The following FOXK1 variants were observed in gnomAD, a reference collection of about 807,000 sequenced individuals.
The protein encoded by FOXK1 is forkhead box K1, also known as forkhead box protein K1.
FOXK1 carries 19 observed loss-of-function variants against 51.9 expected under a neutral mutation model. That is an observed-to-expected ratio of 0.37 (90% CI 0.26 to 0.54). The LOEUF (loss-of-function observed/expected upper bound fraction) is 0.54, where lower values mean the gene tolerates loss of function less well. FOXK1 is among the 20% of genes least tolerant of loss of function. The pLI is 0.87. For missense variants in FOXK1, 870 were observed against 1,032.7 expected (o/e 0.84, Z 2.16); for synonymous variants, 537 against 482.6 (o/e 1.11, Z -1.48).
In FOXK1 at chr7:4,730,678, G is replaced by T. The variant is rs917083435; in HGVS notation, c.561-10160G>T. Among the ~76,000 whole-genome samples, 1 of 152,176 alleles carries T rather than the reference G, an allele frequency of 6.6e-6. No individual in the cohort carries two copies. The highest frequency in any genetic ancestry group is 1.5e-5 in the Non-Finnish European group (1 of 68,028). Reference sequence around the variant, plus strand: ...CTGTGTCCCTTCACTGCCATGCACTGCTCTTAGCTGCTGGCGAAGACGTGG... The same window carrying T: ...CTGTGTCCCTTCACTGCCATGCACTTCTCTTAGCTGCTGGCGAAGACGTGG... On this transcript the variant is annotated intron_variant, in intron 1 of 8. Transcript: ENST00000328914. The surrounding 1 kb of genome is among the most constrained non-coding windows in gnomAD (Gnocchi z 4.7).
chr7:4,688,348 C>T (rs1395895207), intron 1 of FOXK1, among the ~76,000 whole-genome samples: 1 of 148,930 alleles, frequency 6.7e-6, no homozygotes, highest in African/African-American at 2.4e-5. Flanking sequence ...ATAATCAGTG[C>T]ATAGGTTTCT....
At chr7:4,740,022 C>G (rs1780611453) in intron 1 of FOXK1, among the ~76,000 whole-genome samples, 1 of 152,174 alleles carries the variant, frequency 6.6e-6, no homozygotes, top group South Asian at 2.1e-4. Flanking sequence ...CGGCTGGGCA[C>G]AATGGCTCTC....
chr7:4,700,818 A>G (rs1400222538), intron 1 of FOXK1, among the ~76,000 whole-genome samples: 1 of 152,170 alleles, frequency 6.6e-6, no homozygotes, highest in Non-Finnish European at 1.5e-5. Flanking sequence ...CCCTGTCTCA[A>G]AAAACAAACA....
At chr7:4,725,679 G>T (rs763022621) in intron 1 of FOXK1, among the ~76,000 whole-genome samples, 2 of 152,266 alleles carry the variant, frequency 1.3e-5, no homozygotes, top group Non-Finnish European at 1.5e-5. Flanking sequence ...CACCAAGGCT[G>T]CCGACTGGCC....
chr7:4,702,022 C>A (rs1360664230), intron 1 of FOXK1, among the ~76,000 whole-genome samples: 1 of 152,218 alleles, frequency 6.6e-6, no homozygotes, highest in Non-Finnish European at 1.5e-5. Flanking sequence ...CTGCGGTGAG[C>A]TGTGACTGTA....
intron 1 of FOXK1, among the ~76,000 whole-genome samples, chr7:4,694,564 A>C (rs1043218180): frequency 9.2e-5 from 14 of 152,180 alleles, no homozygotes; most frequent in African/African-American, 3.4e-4. Context: ...AGCCCCGCCC[A>C]CAGACCCCAA....
intron 7 of FOXK1, 116 bp from the exon 8 acceptor site, chr7:4,760,948 A>G (rs1780923108): frequency 2.2e-6 from 2 of 924,362 alleles, no homozygotes; most frequent in Non-Finnish European, 3.4e-6. Flanking sequence ...TAGCAAACCT[A>G]TTTTTTCCCA....
chr7:4,740,709 G>C, intron 1 of FOXK1, 129 bp from the exon 2 acceptor site: 2 of 872,042 alleles, frequency 2.3e-6, no homozygotes, highest in Non-Finnish European at 3.5e-6. Flanking sequence ...CATCGAAACT[G>C]CTCTCTGGGG....
At chr7:4,750,798 G>C (rs558187955) in intron 2 of FOXK1, among the ~76,000 whole-genome samples, 1 of 151,052 alleles carries the variant, frequency 6.6e-6, no homozygotes, top group Non-Finnish European at 1.5e-5. Context: ...TCTGCCTCCC[G>C]GGTTCAAGCA....
rs974047849 is a variant in FOXK1, at chr7:4,771,412, C to T, written c.*8948C>T. ...CTCCTCTTAGCATTTGTTTCTATAA[C>T]CAGAAATAAAATTCTATATTAAAGA... On this transcript the variant is annotated 3_prime_UTR_variant, in exon 9 of 9. Coordinates refer to ENST00000328914, the MANE Select transcript of FOXK1 (RefSeq NM_001037165.2). 9 of 152,362 alleles carry T rather than the reference C, an allele frequency of 5.9e-5. No homozygotes were observed. Among genetic ancestry groups the T allele is most frequent in the Non-Finnish European group, 1.3e-4 (9 of 68,002 alleles). 9.4% of individuals were successfully genotyped at this position (152,362 alleles called of 1,614,324 possible).
At chr7:4,714,918 T>G (rs1780215861) in intron 1 of FOXK1, among the ~76,000 whole-genome samples, 1 of 152,180 alleles carries the variant, frequency 6.6e-6, no homozygotes, top group Admixed American at 6.5e-5. Flanking sequence ...TGTGTGCTTT[T>G]GGGAAGTCTG....
chr7:4,722,621 A>T lies in FOXK1; in HGVS notation c.561-18217A>T, dbSNP rs142288289. Among the ~76,000 whole-genome samples the T allele has an allele frequency of 5.2e-4, 79 of 152,342 alleles. No individual in the cohort carries two copies. The East Asian group carries it at 0.014, about 27-fold the overall frequency. ...ACACATGCACGTCAGCCGCACACTC[A>T]TGCACGTTCATGTGCTGTCTCTAGT... is the stretch of plus-strand genomic sequence containing the variant. On this transcript the variant is annotated intron_variant, in intron 1 of 8. Coordinates refer to ENST00000328914, the MANE Select transcript of FOXK1 (RefSeq NM_001037165.2). This position sits in a 1 kb window ranked among gnomAD's most constrained non-coding sequence, Gnocchi z 5.1.
rs895937029 is a variant in FOXK1, at chr7:4,705,554, T to TCTCTCTCGCTCTCG, written c.560+22691_560+22692insTCGCTCTCGCTCTC. On this transcript the variant is annotated intron_variant, in intron 1 of 8. Transcript: ENST00000328914. Reference sequence around the variant, plus strand: ...CTCTCTCTCTCTCTCTCTCTCTCTCTCTCTCGCTCTCGCTCTCTCGTCGCC... The same window carrying TCTCTCTCGCTCTCG: ...CTCTCTCTCTCTCTCTCTCTCTCTCTCTCTCTCGCTCTCGCTCTCGCTCTCGCTCTCTCGTCGCC... 3.3e-4 allele frequency among the ~76,000 whole-genome samples: 44 copies of TCTCTCTCGCTCTCG among 131,584 alleles called. 1 individual carries two copies. The highest frequency in any genetic ancestry group is 1.4e-3 in the African/African-American group (43 of 31,772). The allele number at this position is 131,584 out of a possible 152,430, so 86.3% of individuals were successfully genotyped here.
In FOXK1 at chr7:4,747,127, C is replaced by T. The variant is rs1024907692; in HGVS notation, c.746+6104C>T. ...TGTCCGAATCTGTTGAAAGGACATC[C>T]CCACGCCCGCGTTTCCTGTAATCTC... On this transcript the variant is annotated intron_variant, in intron 2 of 8. Transcript: ENST00000328914. This position sits in a 1 kb window ranked among gnomAD's most constrained non-coding sequence, Gnocchi z 9.2. Among the ~76,000 whole-genome samples, 4 of 152,164 alleles carry T rather than the reference C, an allele frequency of 2.6e-5. No individual in the cohort carries two copies. The highest frequency in any genetic ancestry group is 5.9e-5 in the Non-Finnish European group (4 of 68,026).
chr7:4,708,995 G>A (rs1157519684), intron 1 of FOXK1, among the ~76,000 whole-genome samples: 2 of 151,354 alleles, frequency 1.3e-5, no homozygotes, highest in African/African-American at 4.9e-5. Context: ...AATCCGAGAG[G>A]TGGAGGTTGC....
rs1780899219 is a variant in FOXK1, at chr7:4,759,321, C to G, written c.1422C>G (p.Val474=). 6.2e-7 allele frequency: 1 copy of G among 1,600,646 alleles called. No individual in the cohort carries two copies. The highest frequency in any genetic ancestry group is 8.5e-7 in the Non-Finnish European group (1 of 1,177,980). ...CCGCCCTCCGTGCAGGCTCCCCCGT[C>G]AGCGCCCAGCCAGTGATCATGGCCG... The part of the protein sequence containing the change: ...RYSQSAPGSP[V]SAQPVIMAVP... The change falls in exon 7 of 9, where the codon GTC becomes GTG. Residue 474 remains valine, a synonymous_variant. Coordinates refer to ENST00000328914, the MANE Select transcript of FOXK1 (RefSeq NM_001037165.2).
chr7:4,759,880 A>C, intron 7 of FOXK1: 1 of 512,618 alleles, frequency 2.0e-6, no homozygotes. Flanking sequence ...AAAATACAAA[A>C]ATTAGCCAGG....
intron 1 of FOXK1, among the ~76,000 whole-genome samples, chr7:4,725,726 A>G (rs1404139707): frequency 1.3e-5 from 2 of 152,164 alleles, no homozygotes. Flanking sequence ...TGATTTCTCA[A>G]TCTCCGTCAA....
chr7:4,738,564 T>C (rs1780588742), intron 1 of FOXK1, among the ~76,000 whole-genome samples: 1 of 152,198 alleles, frequency 6.6e-6, no homozygotes, highest in Non-Finnish European at 1.5e-5. Context: ...TCAATGTGAC[T>C]TAAGAGGACA....
Sources: gnomAD v4.1 joint callset for allele counts (sites outside exome capture counted in the v4.1 genomes callset) on GRCh38, gnomAD v4.1.1 for gene constraint, Gnocchi (gnomAD v3.1) non-coding constraint, MANE v1.5 for transcripts, NCBI Gene and HGNC (gene_info 2026-07-23, HGNC 2026-07-21) for gene names.